Variants in TBC1D30 observed in about 807,000 individuals in gnomAD.
TBC1D30 encodes the protein TBC1 domain family, member 30.
A neutral mutation model predicts 63.2 loss-of-function variants in TBC1D30; 31 were observed. The ratio of observed to expected loss-of-function variants is 0.49; its 90% CI spans 0.37 to 0.66. TBC1D30 has a LOEUF of 0.66. Among genes scored for constraint, TBC1D30 ranks in the 30% least tolerant of loss-of-function variants. The pLI, the probability that TBC1D30 is intolerant of heterozygous loss-of-function variation, is 0.00. For missense variants in TBC1D30, 810 were observed against 953.6 expected (o/e 0.85, Z 1.98); for synonymous variants, 307 against 361.5 (o/e 0.85, Z 1.71).
At chr12:64,850,439 A>T (rs1487714449) in intron 8 of TBC1D30, among the ~76,000 whole-genome samples, 1 of 152,160 alleles carries the variant, frequency 6.6e-6, no homozygotes, top group Non-Finnish European at 1.5e-5. Flanking sequence ...TATTATTTTG[A>T]GATACATTCC....
chr12:64,787,144 A>G (rs1325740600), intron 2 of TBC1D30, among the ~76,000 whole-genome samples: 1 of 152,110 alleles, frequency 6.6e-6, no homozygotes. Context: ...TAGTTTAGCA[A>G]ATGTAACCTA....
intron 8 of TBC1D30, among the ~76,000 whole-genome samples, chr12:64,852,451 G>A (rs146457260): frequency 1.3e-5 from 2 of 152,070 alleles, no homozygotes; most frequent in African/African-American, 2.4e-5. Flanking sequence ...GCTCAGAGGA[G>A]TTTATTATTA....
chr12:64,836,910 A>G (rs1343190227), intron 6 of TBC1D30, among the ~76,000 whole-genome samples: 1 of 152,218 alleles, frequency 6.6e-6, no homozygotes, highest in East Asian at 1.9e-4. Context: ...AACTGAAATG[A>G]TGTACTCTGG....
At chr12:64,793,546 G>A (rs1460089802) in intron 2 of TBC1D30, among the ~76,000 whole-genome samples, 1 of 151,288 alleles carries the variant, frequency 6.6e-6, no homozygotes, top group East Asian at 1.9e-4. Flanking sequence ...TGTAATCCCA[G>A]CTACTCTGGA....
intron 7 of TBC1D30, among the ~76,000 whole-genome samples, chr12:64,840,481 G>A (rs772958699): frequency 3.3e-5 from 5 of 152,202 alleles, no homozygotes; most frequent in Non-Finnish European, 7.3e-5. Context: ...TCCCAGGGAT[G>A]TCATACTGTT....
At chr12:64,857,262 C>G (rs962729207) in intron 8 of TBC1D30, among the ~76,000 whole-genome samples, 1 of 152,124 alleles carries the variant, frequency 6.6e-6, no homozygotes, top group African/African-American at 2.4e-5. Context: ...CTGGATATTG[C>G]TGGTTGTTAT....
chr12:64,774,538 G>A (rs57395380), intron 1 of TBC1D30, among the ~76,000 whole-genome samples: 4,878 of 152,216 alleles, frequency 0.032, 255 homozygotes, highest in African/African-American at 0.11. Flanking sequence ...AGGGGACCTA[G>A]AGAGAAAAGC....
chr12:64,799,756 G>A (rs1288930143), intron 2 of TBC1D30, among the ~76,000 whole-genome samples: 1 of 152,226 alleles, frequency 6.6e-6, no homozygotes, highest in African/African-American at 2.4e-5. Context: ...TAGGAGCAAA[G>A]GTGGGAACCA....
chr12:64,840,165 T>C (rs1313510597), intron 7 of TBC1D30, among the ~76,000 whole-genome samples: 1 of 152,168 alleles, frequency 6.6e-6, no homozygotes, highest in Non-Finnish European at 1.5e-5. Flanking sequence ...TGTATGGGAT[T>C]TGGTGTGCTA....
At chr12:64,814,085 T>A (rs1408997502) in intron 2 of TBC1D30, among the ~76,000 whole-genome samples, 2 of 152,182 alleles carry the variant, frequency 1.3e-5, no homozygotes, top group African/African-American at 4.8e-5. Flanking sequence ...GGTCTGGCTC[T>A]GTCACCCAGG....
chr12:64,797,806 G>C (rs893760840), intron 2 of TBC1D30, among the ~76,000 whole-genome samples: 3 of 152,178 alleles, frequency 2.0e-5, no homozygotes, highest in Admixed American at 1.3e-4. Context: ...GAACTGTTCA[G>C]CTCTTCTGGG....
chr12:64,869,959 T>C (rs1565690509), intron 10 of TBC1D30, among the ~76,000 whole-genome samples: 1 of 152,232 alleles, frequency 6.6e-6, no homozygotes, highest in Non-Finnish European at 1.5e-5. Flanking sequence ...TCCCACCTAG[T>C]ATTGTTTCTC....
chr12:64,860,713 T>C (rs894032989), intron 8 of TBC1D30, among the ~76,000 whole-genome samples: 17 of 152,110 alleles, frequency 1.1e-4, no homozygotes, highest in African/African-American at 3.9e-4. Flanking sequence ...AACACTGGCT[T>C]TAAAGAAACT....
rs919726358 is a variant in TBC1D30, at chr12:64,786,632, C to T, written c.643+587C>T. Among the ~76,000 whole-genome samples the T allele has an allele frequency of 4.4e-4, 67 of 152,180 alleles. 1 individual carries two copies. Among genetic ancestry groups the T allele is most frequent in the African/African-American group, 1.5e-3 (61 of 41,552 alleles). On this transcript the variant is annotated intron_variant, in intron 2 of 12. Transcript: ENST00000542120. ...CTGGGATTACAGGCGTGAGCCCCTG[C>T]GCCTGGACAAATTTTTATTTTTAAA...
intron 2 of TBC1D30, among the ~76,000 whole-genome samples, chr12:64,800,464 C>T (rs756560367): frequency 1.2e-4 from 18 of 151,982 alleles, no homozygotes; most frequent in Admixed American, 2.6e-4. Context: ...CTCGTAGAGT[C>T]GATGGGCCCT....
chr12:64,866,914 G>T lies in TBC1D30; in HGVS notation c.1291+11G>T. 3.9e-6 allele frequency: 6 copies of T among 1,535,606 alleles called. No homozygotes were observed. The highest frequency in any genetic ancestry group is 5.2e-6 in the Non-Finnish European group (6 of 1,146,782). ...AAAAACAAATTAAAGGTAAAGAGGT[G>T]GCTCTTGATTTAGATTATCATGATG... is the stretch of plus-strand genomic sequence containing the variant. On this transcript the variant is annotated intron_variant, in intron 10 of 11. Transcript: ENST00000539867.
chr12:64,867,511 T>C (rs1482134006), intron 10 of TBC1D30, among the ~76,000 whole-genome samples: 1 of 152,160 alleles, frequency 6.6e-6, no homozygotes, highest in African/African-American at 2.4e-5. Flanking sequence ...ACTTTATCTT[T>C]TTATTATGTA....
chr12:64,842,961 G>A (rs1205552365), intron 7 of TBC1D30, among the ~76,000 whole-genome samples: 3 of 152,150 alleles, frequency 2.0e-5, no homozygotes, highest in Non-Finnish European at 4.4e-5. Context: ...TCAGGATTTT[G>A]ATATTTGTTG....
chr12:64,765,611 A>G (rs1870684226), intron 1 of TBC1D30, among the ~76,000 whole-genome samples: 1 of 151,608 alleles, frequency 6.6e-6, no homozygotes, highest in Non-Finnish European at 1.5e-5. Context: ...ACAGGGATGA[A>G]GAAGTTAATA....
Sources: gnomAD v4.1 joint callset for allele counts (sites outside exome capture counted in the v4.1 genomes callset) on GRCh38, gnomAD v4.1.1 for gene constraint, MANE v1.5 for transcripts, NCBI Gene and HGNC (gene_info 2026-07-23, HGNC 2026-07-21) for gene names.